Variants in AVEN observed in about 807,000 individuals in gnomAD.
AVEN encodes cell death regulator Aven.
AVEN carries 41 observed loss-of-function variants against 38.1 expected under a neutral mutation model. The ratio of observed to expected loss-of-function variants is 1.08; its 90% CI spans 0.84 to 1.40. The LOEUF (loss-of-function observed/expected upper bound fraction) is 1.40. Ranked by LOEUF, AVEN falls within the 40% of genes most tolerant of loss-of-function variation. The probability of loss-of-function intolerance (pLI) is 0.00; values close to 1 mark genes in which losing one functional copy is unlikely to be tolerated. For synonymous variants in AVEN, 206 were observed against 171.8 expected (o/e 1.20, Z -1.56); for missense variants, 605 against 438.8 (o/e 1.38, Z -3.38).
chr15:33,905,731 G>T (rs1892674464), intron 2 of AVEN, among the ~76,000 whole-genome samples: 1 of 151,916 alleles, frequency 6.6e-6, no homozygotes, highest in Non-Finnish European at 1.5e-5. Flanking sequence ...GAAGTGGGAG[G>T]TTTGCTTGAG....
chr15:33,909,774 A>G (rs1227996724), intron 2 of AVEN, among the ~76,000 whole-genome samples: 2 of 152,226 alleles, frequency 1.3e-5, no homozygotes, highest in African/African-American at 4.8e-5. Context: ...AAATTTTATC[A>G]GGTATATAAA....
intron 2 of AVEN, among the ~76,000 whole-genome samples, chr15:33,951,526 C>T (rs1463357987): frequency 6.7e-6 from 1 of 148,870 alleles, no homozygotes; most frequent in East Asian, 2.0e-4. Context: ...CAAACCTGCA[C>T]GTTGTGCACA....
chr15:34,001,030 T>TTC (rs1897117326), intron 2 of AVEN, among the ~76,000 whole-genome samples: 1 of 151,428 alleles, frequency 6.6e-6, no homozygotes, highest in Non-Finnish European at 1.5e-5. Flanking sequence ...TTTTTTTTTT[T>TTC]TTTTTTTGAG....
chr15:33,958,585 T>C lies in AVEN; in HGVS notation c.445+44447A>G, dbSNP rs540486695. On this transcript the variant is annotated intron_variant, in intron 2 of 5. Coordinates refer to ENST00000306730, the MANE Select transcript of AVEN (RefSeq NM_020371.3). ...CAGCCTGGGCAAGACAGCAAGACCC[T>C]ATCTCAAGAAAAAAAAAAAAAGGAA... 1.3e-3 allele frequency among the ~76,000 whole-genome samples: 168 copies of C among 133,592 alleles called. 1 individual carries two copies. The highest frequency in any genetic ancestry group is 8.5e-3 in the Middle Eastern group (2 of 236). The allele number at this position is 133,592 out of a possible 152,430, so 87.6% of individuals were successfully genotyped here. A position where few individuals can be genotyped will look rare whatever the true frequency, so the allele number is the denominator to read the frequency against.
At chr15:33,915,879 C>T (rs1306209857) in intron 2 of AVEN, among the ~76,000 whole-genome samples, 4 of 152,212 alleles carry the variant, frequency 2.6e-5, no homozygotes, top group Admixed American at 1.3e-4. Context: ...TTTTGGGCAG[C>T]GTGGGAGCTG....
chr15:33,912,201 A>G (rs1029199562), intron 2 of AVEN, among the ~76,000 whole-genome samples: 7 of 152,226 alleles, frequency 4.6e-5, no homozygotes, highest in African/African-American at 1.4e-4. Flanking sequence ...AGAACTGTTA[A>G]GTTTAAGGGA....
In AVEN at chr15:34,038,790, G is replaced by A; in HGVS notation, c.257C>T (p.Ala86Val). 8.4e-7 allele frequency: 1 copy of A among 1,184,600 alleles called. No homozygotes were observed. The highest frequency in any genetic ancestry group is 1.0e-6 in the Non-Finnish European group (1 of 957,722). 73.4% of individuals were successfully genotyped at this position (1,184,600 alleles called of 1,614,324 possible). A position where few individuals can be genotyped will look rare whatever the true frequency, so the allele number is the denominator to read the frequency against. The change falls in exon 1 of 6, where the codon GCC becomes GTC. Residue 86 changes from alanine (A) to valine (V), a missense_variant. Ala to Val is a moderately conservative substitution (Grantham distance 64). Coordinates refer to ENST00000306730, the MANE Select transcript of AVEN (RefSeq NM_020371.3). ...RREPGGWGAGASAPVEDDSDA... is the reference protein window; with the variant it reads ...RREPGGWGAGVSAPVEDDSDA... Reference sequence around the variant, plus strand: ...GCCGTCGCCTCTTACCGGCGCGCTGGCCCCTGCGCCCCAGCCTCCCGGCTC... The same window carrying A: ...GCCGTCGCCTCTTACCGGCGCGCTGACCCCTGCGCCCCAGCCTCCCGGCTC...
chr15:34,073,983 C>CTTTTTTTTTT (rs1567498505), intron 1 of AVEN, among the ~76,000 whole-genome samples: 4 of 20,816 alleles, frequency 1.9e-4, no homozygotes, highest in African/African-American at 4.8e-4. Context: ...CTTTTTTCTT[C>CTTTTTTTTTT]TTCTTCTTTT....
intron 1 of AVEN, among the ~76,000 whole-genome samples, chr15:34,016,243 AAAAC>A (rs1468091020): frequency 6.6e-6 from 1 of 152,260 alleles, no homozygotes; most frequent in Non-Finnish European, 1.5e-5. Flanking sequence ...TCAAAAAACA[AAAAC>A]AAAAACAAAA....
intron 11 of AVEN, among the ~76,000 whole-genome samples, chr15:33,860,881 T>TAATC (rs1301773629): frequency 2.0e-5 from 3 of 151,812 alleles, no homozygotes; most frequent in African/African-American, 7.3e-5. Flanking sequence ...TATCCTCAGC[T>TAATC]AATCAGGAGC....
chr15:34,030,802 T>C (rs1322777367), intron 1 of AVEN, among the ~76,000 whole-genome samples: 1 of 151,702 alleles, frequency 6.6e-6, no homozygotes, highest in East Asian at 1.9e-4. Context: ...TTGTTGTTGT[T>C]GACAGGGATC....
intron 1 of AVEN, among the ~76,000 whole-genome samples, chr15:34,072,111 A>T (rs1282079166): frequency 1.3e-5 from 2 of 151,644 alleles, no homozygotes; most frequent in Non-Finnish European, 2.9e-5. Context: ...ACCAAAAAAA[A>T]GTTTTTAATT....
intron 1 of AVEN, among the ~76,000 whole-genome samples, chr15:34,073,938 C>T (rs139069835): frequency 1.4e-3 from 207 of 144,844 alleles, no homozygotes; most frequent in Non-Finnish European, 2.5e-3. Context: ...CATCGGAATT[C>T]TTGAGAAAAA....
At chr15:33,975,052 CT>C (rs1256072235) in intron 2 of AVEN, among the ~76,000 whole-genome samples, 1 of 152,162 alleles carries the variant, frequency 6.6e-6, no homozygotes, top group Non-Finnish European at 1.5e-5. Context: ...CAAACACCAT[CT>C]TAGATAAAAT....
At chr15:34,005,493 T>G (rs1015811766) in intron 1 of AVEN, among the ~76,000 whole-genome samples, 7 of 152,096 alleles carry the variant, frequency 4.6e-5, no homozygotes, top group Non-Finnish European at 1.0e-4. Flanking sequence ...CTCAATGGAG[T>G]CAAGCTAAAT....
chr15:33,856,963 GTTT>G (rs556547228), downstream of AVEN, among the ~76,000 whole-genome samples: 79 of 152,204 alleles, frequency 5.2e-4, no homozygotes, highest in African/African-American at 1.8e-3. Context: ...CCGGCCTGGG[GTTT>G]TTTAAGCAGC....
Position 33,985,057 on chromosome 15 carries a change from G to T in AVEN, c.445+17975C>A, listed in dbSNP as rs182287922. 1.7e-3 allele frequency among the ~76,000 whole-genome samples: 260 copies of T among 152,112 alleles called. 1 individual carries two copies. The highest frequency in any genetic ancestry group is 6.1e-3 in the African/African-American group (252 of 41,522). Reference sequence around the variant, plus strand: ...AGCATTCTGTATCCCACAGCACTCTGTACCTGTCACACTGAACTGTATTTG... The same window carrying T: ...AGCATTCTGTATCCCACAGCACTCTTTACCTGTCACACTGAACTGTATTTG... On this transcript the variant is annotated intron_variant, in intron 2 of 5. Coordinates refer to ENST00000306730, the MANE Select transcript of AVEN (RefSeq NM_020371.3).
intron 2 of AVEN, among the ~76,000 whole-genome samples, chr15:33,975,670 G>A (rs546578626): frequency 6.6e-6 from 1 of 152,244 alleles, no homozygotes; most frequent in Admixed American, 6.5e-5. Flanking sequence ...GGTGGCTCAC[G>A]CCTGTAATCC....
chr15:33,936,308 A>T (rs1894057914), intron 2 of AVEN, among the ~76,000 whole-genome samples: 2 of 152,362 alleles, frequency 1.3e-5, no homozygotes, highest in South Asian at 4.1e-4. Context: ...AACTGCAAGG[A>T]TTAATATGAG....
Sources: allele counts gnomAD v4.1 joint callset (sites outside exome capture counted in the v4.1 genomes callset), GRCh38; gene constraint gnomAD v4.1.1; transcripts MANE v1.5; gene names NCBI Gene and HGNC (gene_info 2026-07-23, HGNC 2026-07-21).